The following KCNS3 variants were observed in gnomAD, a reference collection of about 807,000 sequenced individuals.
KCNS3 encodes the protein delayed-rectifier potassium channel regulatory subunit KCNS3.
Under a neutral mutation model 31.0 loss-of-function variants are expected in KCNS3, and 13 were observed. The observed-to-expected ratio is 0.42, with a 90% CI of 0.27 to 0.67. KCNS3 has a LOEUF of 0.67. Ranked by LOEUF, KCNS3 falls within the 30% of genes least tolerant of loss-of-function variation. The pLI, the probability that KCNS3 is intolerant of heterozygous loss-of-function variation, is 0.25. For missense variants in KCNS3, 545 were observed against 622.4 expected (o/e 0.88, Z 1.32); for synonymous variants, 238 against 241.5 (o/e 0.99, Z 0.13).
chr2:17,921,938 TATATATATATATATATATATAA>T (rs1662723331), intron 2 of KCNS3, among the ~76,000 whole-genome samples: 1 of 84,570 alleles, frequency 1.2e-5, no homozygotes, highest in South Asian at 6.2e-4. Flanking sequence ...TATATATATA[TATATATATATATATATATATAA>T]ATACATATAC....
At chr2:17,894,085 T>A (rs1661927940) in intron 1 of KCNS3, among the ~76,000 whole-genome samples, 1 of 151,550 alleles carries the variant, frequency 6.6e-6, no homozygotes, top group South Asian at 2.1e-4. Context: ...ATAACCCACA[T>A]CAATGGAGTT....
intron 2 of KCNS3, among the ~76,000 whole-genome samples, chr2:17,922,694 A>G (rs963331229): frequency 8.6e-5 from 13 of 150,782 alleles, no homozygotes; most frequent in South Asian, 4.2e-4. Context: ...CCACTAATCT[A>G]CTTTCTGTTT....
intron 1 of KCNS3, among the ~76,000 whole-genome samples, chr2:17,903,004 T>C (rs1432656189): frequency 6.6e-6 from 1 of 152,238 alleles, no homozygotes; most frequent in Non-Finnish European, 1.5e-5. Context: ...AGGAAAAACA[T>C]GTACCTGCCA....
chr2:17,914,829 C>T (rs1662553033), intron 1 of KCNS3, among the ~76,000 whole-genome samples: 2 of 152,190 alleles, frequency 1.3e-5, no homozygotes, highest in South Asian at 2.1e-4. Flanking sequence ...CTACGGTGCA[C>T]TGTCACTTGG....
At chr2:17,899,379 CTTA>C (rs962874127) in intron 1 of KCNS3, among the ~76,000 whole-genome samples, 34 of 147,266 alleles carry the variant, frequency 2.3e-4, no homozygotes, top group African/African-American at 7.9e-4. Context: ...GTACTATTAT[CTTA>C]TTATATTATT....
chr2:17,927,164 A>G (rs1160762639), intron 2 of KCNS3, among the ~76,000 whole-genome samples: 1 of 152,198 alleles, frequency 6.6e-6, no homozygotes, highest in East Asian at 1.9e-4. Flanking sequence ...TCTCTTTGCT[A>G]AAGCATAGCA....
intron 1 of KCNS3, among the ~76,000 whole-genome samples, chr2:17,892,370 C>T (rs4832510): frequency 0.82 from 125,102 of 151,770 alleles, 51,871 homozygotes; most frequent in East Asian, 0.97. Flanking sequence ...TGCATTGGGC[C>T]TCACCTTTCT....
chr2:17,913,061 T>C (rs1341160330), intron 1 of KCNS3, among the ~76,000 whole-genome samples: 1 of 152,244 alleles, frequency 6.6e-6, no homozygotes, highest in Non-Finnish European at 1.5e-5. Context: ...TTATAGGATT[T>C]AAATATCAGT....
chr2:17,890,774 A>G (rs1004188549), intron 1 of KCNS3, among the ~76,000 whole-genome samples: 4 of 152,116 alleles, frequency 2.6e-5, no homozygotes, highest in Non-Finnish European at 4.4e-5. Flanking sequence ...GTTTAATTCC[A>G]CTGTGGTTTG....
At chr2:17,881,897 G>A (rs1284335995) in intron 1 of KCNS3, among the ~76,000 whole-genome samples, 3 of 152,128 alleles carry the variant, frequency 2.0e-5, no homozygotes, top group African/African-American at 4.8e-5. Flanking sequence ...TTGACAAAAT[G>A]GTCTGCTTTT....
chr2:17,930,360 G>A (rs1009893578), intron 2 of KCNS3, among the ~76,000 whole-genome samples: 4 of 152,176 alleles, frequency 2.6e-5, no homozygotes, highest in African/African-American at 9.6e-5. Context: ...CCTCTTGATT[G>A]TCCACATCCA....
intron 2 of KCNS3, among the ~76,000 whole-genome samples, chr2:17,922,715 G>C (rs2125251638): frequency 7.0e-6 from 1 of 143,742 alleles, no homozygotes; most frequent in Middle Eastern, 3.5e-3. Context: ...CTATAGTTTT[G>C]ACTATTATGG....
At chr2:17,921,123 G>A (rs1227684931) in intron 2 of KCNS3, among the ~76,000 whole-genome samples, 2 of 152,130 alleles carry the variant, frequency 1.3e-5, no homozygotes, top group Non-Finnish European at 2.9e-5. Context: ...ATAAAAGAGT[G>A]AATAATAGTG....
intron 2 of KCNS3, among the ~76,000 whole-genome samples, chr2:17,919,106 C>T (rs765797682): frequency 6.6e-5 from 10 of 152,232 alleles, no homozygotes; most frequent in Non-Finnish European, 1.2e-4. Flanking sequence ...TTGTTTGGCT[C>T]ACTAAATCAC....
chr2:17,899,869 A>G lies in KCNS3; in HGVS notation c.-251-17811A>G, dbSNP rs374071146. ...CTCTTCACAGAAAGGGCATGAGGTGATATAAGTAATTGGTATTGTTTAAAC... is the reference window on the plus strand; with the variant it reads ...CTCTTCACAGAAAGGGCATGAGGTGGTATAAGTAATTGGTATTGTTTAAAC... On this transcript the variant is annotated intron_variant, in intron 1 of 2. Transcript: ENST00000304101. Among the ~76,000 whole-genome samples the G allele has an allele frequency of 2.6e-5, 4 of 152,352 alleles. No individual in the cohort carries two copies. In the East Asian group the frequency reaches 5.8e-4, roughly 22 times the overall value.
intron 1 of KCNS3, among the ~76,000 whole-genome samples, chr2:17,884,685 A>G (rs934844010): frequency 6.6e-6 from 1 of 152,152 alleles, no homozygotes; most frequent in East Asian, 1.9e-4. Context: ...GTGGAAGGCA[A>G]CCTTGGCTGA....
intron 1 of KCNS3, among the ~76,000 whole-genome samples, chr2:17,913,673 A>G (rs1662522825): frequency 6.6e-6 from 1 of 152,180 alleles, no homozygotes; most frequent in Non-Finnish European, 1.5e-5. Flanking sequence ...TATTAGTACA[A>G]TTTGTCATTC....
chr2:17,931,075 G>C lies in KCNS3; in HGVS notation c.67G>C (p.Gly23Arg). 6.2e-7 allele frequency: 1 copy of C among 1,614,076 alleles called. No homozygotes were observed. Among genetic ancestry groups the C allele is most frequent in the Non-Finnish European group, 8.5e-7 (1 of 1,180,004 alleles). Residue 23 changes from glycine (G) to arginine (R), a missense_variant, in exon 3 of 3, where the codon GGC becomes CGC. Transcript: ENST00000304101. The surrounding 1 kb of genome is among the most constrained non-coding windows in gnomAD (Gnocchi z 5.4). ...DEELVNLNVGGFKQSVDQSTL... is the reference protein window; with the variant it reads ...DEELVNLNVGRFKQSVDQSTL... ...GGAACTTGTCAACCTGAATGTGGGGGGCTTTAAGCAGTCTGTTGACCAAAG... is the reference window on the plus strand; with the variant it reads ...GGAACTTGTCAACCTGAATGTGGGGCGCTTTAAGCAGTCTGTTGACCAAAG...
intron 1 of KCNS3, among the ~76,000 whole-genome samples, chr2:17,884,268 A>AAAAAATATATATATAT (rs1459540269): frequency 2.1e-5 from 1 of 46,696 alleles, no homozygotes; most frequent in Non-Finnish European, 4.0e-5. Flanking sequence ...AAAAAAAAAA[A>AAAAAATATATATATAT]ATATATATAT....
Sources: allele counts gnomAD v4.1 joint callset (sites outside exome capture counted in the v4.1 genomes callset), GRCh38; gene constraint gnomAD v4.1.1; non-coding constraint Gnocchi (gnomAD v3.1); transcripts MANE v1.5; gene names NCBI Gene and HGNC (gene_info 2026-07-23, HGNC 2026-07-21).